SH3PXD2A: variants seen among roughly 807,000 people sequenced by gnomAD.
The protein encoded by SH3PXD2A is SH3 and PX domains 2A.
Under a neutral mutation model 115.2 loss-of-function variants are expected in SH3PXD2A, and 32 were observed. The observed-to-expected ratio is 0.28, with a 90% CI of 0.21 to 0.37. The LOEUF is 0.37. Among genes scored for constraint, SH3PXD2A ranks in the 10% least tolerant of loss-of-function variants. SH3PXD2A has a pLI of 1.00. For missense variants in SH3PXD2A, 1,328 were observed against 1,498.7 expected, an observed-to-expected ratio of 0.89 and a Z score of 1.88; for synonymous variants, 610 against 629.1, an observed-to-expected ratio of 0.97 and a Z score of 0.45.
intron 6 of SH3PXD2A, among the ~76,000 whole-genome samples, chr10:103,671,385 G>A (rs979231483): frequency 2.0e-5 from 3 of 152,150 alleles, no homozygotes; most frequent in Non-Finnish European, 4.4e-5. Context: ...CAGACAACCG[G>A]AGCTCATGCC....
chr10:103,594,593 C>T lies in SH3PXD2A; in HGVS notation c.*7223G>A, dbSNP rs983094124. On this transcript the variant is annotated 3_prime_UTR_variant, in exon 15 of 15. Transcript: ENST00000369774. Reference sequence around the variant, plus strand: ...TGCCCGGGAGTCACTTCCTGCAGACCTCTGAGTACCTGGTGGGGAAACCCA... The same window carrying T: ...TGCCCGGGAGTCACTTCCTGCAGACTTCTGAGTACCTGGTGGGGAAACCCA... 2.0e-5 allele frequency: 3 copies of T among 152,244 alleles called. No individual in the cohort carries two copies. The highest frequency in any genetic ancestry group is 7.2e-5 in the African/African-American group (3 of 41,460). 9.4% of individuals were successfully genotyped at this position (152,244 alleles called of 1,614,324 possible).
At chr10:103,791,333 C>T (rs1431127592) in intron 2 of SH3PXD2A, among the ~76,000 whole-genome samples, 1 of 152,202 alleles carries the variant, frequency 6.6e-6, no homozygotes, top group East Asian at 1.9e-4. Context: ...CTGTGAACAC[C>T]GTGAATACCC....
rs11191791 is a variant in SH3PXD2A at position 103,746,464 on chromosome 10, C to T, written c.230-10656G>A. Among the ~76,000 whole-genome samples, 12,208 of 152,120 alleles carry T rather than the reference C, an allele frequency of 0.08. 1,283 individuals carry two copies. The highest frequency in any genetic ancestry group is 0.29 in the East Asian group (1,522 of 5,168). ...CCTCCGGAGTAGCTGGGATTACAGGCATGCGCCACCACACCAGGCTAATTT... is the reference window on the plus strand; with the variant it reads ...CCTCCGGAGTAGCTGGGATTACAGGTATGCGCCACCACACCAGGCTAATTT... On this transcript the variant is annotated intron_variant, in intron 3 of 14. Transcript: ENST00000369774. The surrounding 1 kb of genome is among the most constrained non-coding windows in gnomAD (Gnocchi z 4.4).
chr10:103,817,157 T>C (rs1204841984), intron 1 of SH3PXD2A, among the ~76,000 whole-genome samples: 3 of 151,840 alleles, frequency 2.0e-5, no homozygotes, highest in Non-Finnish European at 4.4e-5. Flanking sequence ...TCTTTTTTTT[T>C]TTTAACTTTT....
chr10:103,612,839 A>G lies in SH3PXD2A; in HGVS notation c.1258+14T>C, dbSNP rs760827161. On this transcript the variant is annotated intron_variant, in intron 12 of 14. Transcript: ENST00000369774. ...GCTTTGCAGTGAGGACCTAGAGGTCAGCGAGGCTCTTACTGATCTGGGCCC... is the reference window on the plus strand; with the variant it reads ...GCTTTGCAGTGAGGACCTAGAGGTCGGCGAGGCTCTTACTGATCTGGGCCC... The G allele has an allele frequency of 4.6e-6, 7 of 1,526,174 alleles. No homozygotes were observed. The highest frequency in any genetic ancestry group is 6.2e-6 in the Non-Finnish European group (7 of 1,137,380). The allele number at this position is 1,526,174 out of a possible 1,614,324, so 94.5% of individuals were successfully genotyped here.
chr10:103,642,117 G>C (rs2036964413), intron 8 of SH3PXD2A, among the ~76,000 whole-genome samples: 1 of 150,638 alleles, frequency 6.6e-6, no homozygotes, highest in South Asian at 2.1e-4. Context: ...CATAAGTCTG[G>C]AAATGGACTG....
At chr10:103,663,670 C>A (rs1251788435) in intron 7 of SH3PXD2A, among the ~76,000 whole-genome samples, 2 of 152,260 alleles carry the variant, frequency 1.3e-5, no homozygotes, top group Non-Finnish European at 2.9e-5. Context: ...GTGCAAGAAG[C>A]ACTACTTAGA....
intron 3 of SH3PXD2A, among the ~76,000 whole-genome samples, chr10:103,750,075 CAG>C (rs1384400449): frequency 6.6e-6 from 1 of 152,164 alleles, no homozygotes; most frequent in Non-Finnish European, 1.5e-5. Context: ...TGTTTGGAGA[CAG>C]AGTCTTGCTA....
At chr10:103,642,879 T>C (rs2036975541) in intron 8 of SH3PXD2A, among the ~76,000 whole-genome samples, 1 of 152,204 alleles carries the variant, frequency 6.6e-6, no homozygotes, top group African/African-American at 2.4e-5. Flanking sequence ...GGCCCCAGAA[T>C]GGACTTGGTT....
At chr10:103,608,150 T>TAAAAAAAAAAAAAAAAAAAGTTTAA (rs1554903070) in intron 13 of SH3PXD2A, among the ~76,000 whole-genome samples, 1 of 32,658 alleles carries the variant, frequency 3.1e-5, no homozygotes, top group Non-Finnish European at 4.5e-5. Flanking sequence ...ATGATCAATT[T>TAAAAAAAAAAAAAAAAAAAGTTTAA]AAAAAAAAAA....
Position 103,632,116 on chromosome 10 carries a change from G to A in SH3PXD2A, c.605-4914C>T, listed in dbSNP as rs115155466. 4.4e-3 allele frequency among the ~76,000 whole-genome samples: 664 copies of A among 152,000 alleles called. 2 individuals are homozygous for A. Among genetic ancestry groups the A allele is most frequent in the African/African-American group, 0.015 (638 of 41,454 alleles). Reference sequence around the variant, plus strand: ...CGGGAGGTTGAGGCTGCAGTGAGCCGTGATCATACCACTGCACTCCAGTCT... The same window carrying A: ...CGGGAGGTTGAGGCTGCAGTGAGCCATGATCATACCACTGCACTCCAGTCT... On this transcript the variant is annotated intron_variant, in intron 8 of 14. Transcript: ENST00000369774.
intron 1 of SH3PXD2A, among the ~76,000 whole-genome samples, chr10:103,809,660 TCCCTC>T (rs2039246236): frequency 6.5e-5 from 1 of 15,484 alleles, no homozygotes; most frequent in Non-Finnish European, 1.4e-4. Flanking sequence ...TCCTTCCCTC[TCCCTC>T]CCTCCCTCCC....
At chr10:103,648,466 T>C (rs2037069172) in intron 8 of SH3PXD2A, among the ~76,000 whole-genome samples, 1 of 152,202 alleles carries the variant, frequency 6.6e-6, no homozygotes, top group East Asian at 1.9e-4. Context: ...TACGGGCCCT[T>C]TGCTTGCTTT....
intron 3 of SH3PXD2A, among the ~76,000 whole-genome samples, chr10:103,745,324 CT>C (rs757239102): frequency 6.6e-6 from 1 of 152,200 alleles, no homozygotes; most frequent in Non-Finnish European, 1.5e-5. Context: ...TAAGTTTCCC[CT>C]TTTTTCTTAA....
At chr10:103,604,827 T>C (rs2036276066) in intron 14 of SH3PXD2A, among the ~76,000 whole-genome samples, 1 of 152,226 alleles carries the variant, frequency 6.6e-6, no homozygotes, top group African/African-American at 2.4e-5. Flanking sequence ...TTATGCTCTT[T>C]ACAGACTCTC....
intron 7 of SH3PXD2A, among the ~76,000 whole-genome samples, chr10:103,662,997 G>C (rs1373582719): frequency 6.6e-6 from 1 of 151,930 alleles, no homozygotes; most frequent in Non-Finnish European, 1.5e-5. Flanking sequence ...TAGAGCTGAG[G>C]TCTCACTTTG....
intron 1 of SH3PXD2A, among the ~76,000 whole-genome samples, chr10:103,835,445 G>A (rs1488188465): frequency 6.6e-5 from 10 of 152,300 alleles, no homozygotes; most frequent in African/African-American, 2.2e-4. Flanking sequence ...AAGTGAAATC[G>A]CTTAGCAGAC....
chr10:103,752,915 A>C (rs1348011927), intron 3 of SH3PXD2A, among the ~76,000 whole-genome samples: 1 of 152,184 alleles, frequency 6.6e-6, no homozygotes, highest in African/African-American at 2.4e-5. Flanking sequence ...GTAGCAGTTG[A>C]TAGATTAAGT....
intron 5 of SH3PXD2A, among the ~76,000 whole-genome samples, chr10:103,706,948 C>T (rs1446980063): frequency 6.6e-6 from 1 of 152,228 alleles, no homozygotes; most frequent in Non-Finnish European, 1.5e-5. Context: ...TCCTGTGCTC[C>T]GTCCTCTGTG....
Sources: allele counts gnomAD v4.1 joint callset (sites outside exome capture counted in the v4.1 genomes callset), GRCh38; gene constraint gnomAD v4.1.1; non-coding constraint Gnocchi (gnomAD v3.1); transcripts MANE v1.5; gene names NCBI Gene and HGNC (gene_info 2026-07-23, HGNC 2026-07-21).